The following CDH18 variants were observed in gnomAD, a reference collection of about 807,000 sequenced individuals.
CDH18 encodes cadherin-18.
Under a neutral mutation model 67.9 loss-of-function variants are expected in CDH18, and 31 were observed. The ratio of observed to expected loss-of-function variants is 0.46; its 90% confidence interval spans 0.34 to 0.62. The LOEUF is 0.62. CDH18 is among the 20% of genes least tolerant of loss of function. The pLI is 0.01. For missense variants in CDH18, 890 were observed against 975.5 expected (o/e 0.91, Z 1.17); for synonymous variants, 362 against 347.2 (o/e 1.04, Z -0.48).
At chr5:20,047,458 T>TTGAAAAAGGC (rs1392143537) in intron 2 of CDH18, among the ~76,000 whole-genome samples, 7 of 151,852 alleles carry the variant, frequency 4.6e-5, no homozygotes, top group African/African-American at 1.7e-4. Context: ...TAGGGAATCT[T>TTGAAAAAGGC]TGAAAAAGGC....
rs1218487296 is a variant in CDH18, at chr5:19,726,947, T to C, written c.524-5481A>G. ...CTTCCTCATTCCTTCTGCCATATGA[T>C]GACACAGCAAGAAGATGGCCTTCTG... On this transcript the variant is annotated intron_variant, in intron 4 of 12. Transcript: ENST00000382275. Among the ~76,000 whole-genome samples, 7 of 152,152 alleles carry C rather than the reference T, an allele frequency of 4.6e-5. No homozygotes were observed. The East Asian group carries it at 1.4e-3, about 29-fold the overall frequency.
At chr5:19,830,400 A>C (rs761035598) in intron 3 of CDH18, among the ~76,000 whole-genome samples, 2 of 152,160 alleles carry the variant, frequency 1.3e-5, no homozygotes, top group Non-Finnish European at 2.9e-5. Flanking sequence ...CATTTTCAAA[A>C]GAAGACATAT....
intron 4 of CDH18, among the ~76,000 whole-genome samples, chr5:19,732,322 C>A (rs1192891306): frequency 1.3e-5 from 2 of 151,822 alleles, no homozygotes; most frequent in Non-Finnish European, 2.9e-5. Flanking sequence ...GATGTTGTGG[C>A]ACACACCTGT....
At chr5:20,296,291 T>C (rs1290254494) in intron 1 of CDH18, among the ~76,000 whole-genome samples, 2 of 151,614 alleles carry the variant, frequency 1.3e-5, no homozygotes, top group Non-Finnish European at 2.9e-5. Flanking sequence ...TCTCACTCTG[T>C]TGCCCAGGCT....
At chr5:19,739,226 G>A (rs1205203974) in intron 4 of CDH18, among the ~76,000 whole-genome samples, 1 of 152,112 alleles carries the variant, frequency 6.6e-6, no homozygotes, top group Non-Finnish European at 1.5e-5. Flanking sequence ...CTTCAAGTGA[G>A]GGGATACAAT....
chr5:19,595,258 C>T (rs937068490), intron 6 of CDH18, among the ~76,000 whole-genome samples: 1 of 151,930 alleles, frequency 6.6e-6, no homozygotes, highest in African/African-American at 2.4e-5. Flanking sequence ...AATTATAAAA[C>T]ATGGATGAAA....
intron 12 of CDH18, among the ~76,000 whole-genome samples, chr5:19,477,852 TAATA>T (rs1738748588): frequency 6.6e-6 from 1 of 152,062 alleles, no homozygotes; most frequent in Admixed American, 6.5e-5. Flanking sequence ...TTGTACAAAA[TAATA>T]AATAATTTAT....
At chr5:19,990,917 A>G (rs1348652278), upstream of CDH18, among the ~76,000 whole-genome samples, 3 of 152,190 alleles carry the variant, frequency 2.0e-5, no homozygotes, top group African/African-American at 7.2e-5. Context: ...CAGTGTATCA[A>G]TCACCAGAAT....
intron 2 of CDH18, among the ~76,000 whole-genome samples, chr5:19,906,546 C>A (rs994063286): frequency 1.3e-5 from 2 of 151,830 alleles, no homozygotes; most frequent in African/African-American, 2.4e-5. Flanking sequence ...ACTATTGTAA[C>A]CCTTTCTTCT....
intron 8 of CDH18, among the ~76,000 whole-genome samples, chr5:19,569,214 T>C (rs1740944069): frequency 6.6e-6 from 1 of 152,202 alleles, no homozygotes; most frequent in African/African-American, 2.4e-5. Flanking sequence ...AATCTATCTC[T>C]CCAATCTCAT....
intron 2 of CDH18, among the ~76,000 whole-genome samples, chr5:19,957,629 AC>A (rs1311976028): frequency 6.6e-6 from 1 of 151,968 alleles, no homozygotes. Context: ...GAAATAAATT[AC>A]CATCAAAACT....
chr5:20,171,474 GA>G (rs1045611242), intron 2 of CDH18, among the ~76,000 whole-genome samples: 51 of 151,944 alleles, frequency 3.4e-4, no homozygotes, highest in African/African-American at 1.2e-3. Context: ...GTGACATTGA[GA>G]TTTTTTTTTT....
chr5:19,562,016 C>A (rs1032457993), intron 8 of CDH18, among the ~76,000 whole-genome samples: 1 of 152,124 alleles, frequency 6.6e-6, no homozygotes, highest in Non-Finnish European at 1.5e-5. Flanking sequence ...TCTGTCTCTA[C>A]TGGATTTGCA....
At chr5:20,266,680 G>T (rs79709166) in intron 1 of CDH18, among the ~76,000 whole-genome samples, 1 of 146,432 alleles carries the variant, frequency 6.8e-6, no homozygotes, top group Non-Finnish European at 1.5e-5. Context: ...CACCCAACTC[G>T]GCCTCCTAGC....
intron 1 of CDH18, among the ~76,000 whole-genome samples, chr5:20,421,722 A>G (rs1033408667): frequency 6.6e-6 from 1 of 150,932 alleles, no homozygotes; most frequent in African/African-American, 2.5e-5. Flanking sequence ...AATGTGTTTC[A>G]TTAAATCAAA....
chr5:19,512,652 A>G (rs548871752), intron 10 of CDH18, among the ~76,000 whole-genome samples: 5 of 152,292 alleles, frequency 3.3e-5, no homozygotes, highest in African/African-American at 7.2e-5. Flanking sequence ...ATGTCATTCA[A>G]AAATTCTACC....
chr5:19,748,136 G>A (rs1316104628), intron 3 of CDH18, among the ~76,000 whole-genome samples: 1,353 of 23,640 alleles, frequency 0.057, 303 homozygotes, highest in Non-Finnish European at 0.16. Context: ...AAAAAAAAGA[G>A]TACTTTTTTA....
intron 1 of CDH18, among the ~76,000 whole-genome samples, chr5:20,566,672 G>A (rs1344316749): frequency 2.6e-5 from 4 of 151,606 alleles, no homozygotes; most frequent in Non-Finnish European, 5.9e-5. Context: ...ACTGCACCCA[G>A]CCTAATTCTC....
chr5:20,304,534 T>C, intron 1 of CDH18: 2 of 1,610,542 alleles, frequency 1.2e-6, no homozygotes, highest in African/African-American at 2.7e-5. Flanking sequence ...TCTGGTAATA[T>C]CTTTGCCAAA....
Sources: allele counts gnomAD v4.1 joint callset (sites outside exome capture counted in the v4.1 genomes callset), GRCh38; gene constraint gnomAD v4.1.1; transcripts MANE v1.5; gene names NCBI Gene and HGNC (gene_info 2026-07-23, HGNC 2026-07-21).